The following QTMAN variants were observed in gnomAD, a reference collection of about 807,000 sequenced individuals.
QTMAN encodes the protein tRNA-queuosine alpha-mannosyltransferase.
chr2:144,007,124 AAT>A, the QTMAN span: 1 of 976,946 alleles, frequency 1.0e-6, no homozygotes, highest in Non-Finnish European at 1.5e-6. Context: ...CAATCAACAG[AAT>A]ATATTTTCTT....
At chr2:144,076,837 G>A in the QTMAN span, among the ~76,000 whole-genome samples, 1 of 151,792 alleles carries the variant, frequency 6.6e-6, no homozygotes, top group African/African-American at 2.4e-5. Context: ...CAAAACCACA[G>A]GCCGGGCACA....
chr2:144,107,569 C>T, the QTMAN span, among the ~76,000 whole-genome samples: 3 of 152,208 alleles, frequency 2.0e-5, no homozygotes, highest in African/African-American at 7.2e-5. Flanking sequence ...AGTTGAATCT[C>T]TGAATAGACC....
the QTMAN span, among the ~76,000 whole-genome samples, chr2:144,312,177 C>G: frequency 6.7e-6 from 1 of 149,024 alleles, no homozygotes; most frequent in Non-Finnish European, 1.5e-5. Flanking sequence ...GTGGGAGTTA[C>G]ATTCTTTTTT....
chr2:144,325,613 T>C, the QTMAN span, among the ~76,000 whole-genome samples: 45 of 152,158 alleles, frequency 3.0e-4, no homozygotes, highest in African/African-American at 1.0e-3. Flanking sequence ...TGTACCTCAT[T>C]TCATTCAGAT....
At chr2:143,974,709 G>GTTT in the QTMAN span, among the ~76,000 whole-genome samples, 1 of 148,198 alleles carries the variant, frequency 6.7e-6, no homozygotes, top group African/African-American at 2.5e-5. Context: ...CTTTCTTTTT[G>GTTT]TTTTTTTTTG....
chr2:144,118,421 T>C, the QTMAN span, among the ~76,000 whole-genome samples: 1 of 152,262 alleles, frequency 6.6e-6, no homozygotes, highest in East Asian at 1.9e-4. Context: ...AAAAGCTAAG[T>C]ATCTCTCTGG....
At chr2:144,304,249 T>G in the QTMAN span, among the ~76,000 whole-genome samples, 1 of 152,210 alleles carries the variant, frequency 6.6e-6, no homozygotes, top group African/African-American at 2.4e-5. Flanking sequence ...TACCTCTGTA[T>G]AGTTTACCTC....
At chr2:144,240,287 A>C in the QTMAN span, among the ~76,000 whole-genome samples, 5 of 152,244 alleles carry the variant, frequency 3.3e-5, no homozygotes, top group African/African-American at 1.2e-4. Context: ...TTCATTGCTT[A>C]AAGGTTAATG....
chr2:144,328,360 C>T, the QTMAN span, among the ~76,000 whole-genome samples: 3 of 152,198 alleles, frequency 2.0e-5, no homozygotes, highest in Non-Finnish European at 4.4e-5. Flanking sequence ...TTGTCTGATT[C>T]TATATCCTAA....
At chr2:144,117,990 T>G in the QTMAN span, among the ~76,000 whole-genome samples, 1 of 151,852 alleles carries the variant, frequency 6.6e-6, no homozygotes, top group East Asian at 1.9e-4. Context: ...GGACTACAGG[T>G]GCCCGCCACC....
the QTMAN span, among the ~76,000 whole-genome samples, chr2:144,100,385 T>C: frequency 6.6e-6 from 1 of 152,188 alleles, no homozygotes; most frequent in Non-Finnish European, 1.5e-5. Context: ...ATAAGAAAGA[T>C]TAAATACAGC....
chr2:143,996,433 G>C, the QTMAN span, among the ~76,000 whole-genome samples: 250 of 152,194 alleles, frequency 1.6e-3, no homozygotes, highest in African/African-American at 5.8e-3. Flanking sequence ...GAGAAATTTG[G>C]GGGGATAGCT....
chr2:144,243,655 T>A, the QTMAN span, among the ~76,000 whole-genome samples: 7 of 152,224 alleles, frequency 4.6e-5, no homozygotes, highest in African/African-American at 1.7e-4. Context: ...TATATAGTGT[T>A]AAAATTAAAA....
the QTMAN span, among the ~76,000 whole-genome samples, chr2:144,257,946 G>A: frequency 6.6e-6 from 1 of 151,926 alleles, no homozygotes; most frequent in Non-Finnish European, 1.5e-5. Flanking sequence ...AAAGTAAAGG[G>A]GTTCAAAGAA....
At chr2:143,943,484 G>A in the QTMAN span, 9 of 152,200 alleles carry the variant, frequency 5.9e-5, no homozygotes. Flanking sequence ...TTTGAAAACT[G>A]ATTCTATCAT....
chr2:143,957,222 G>C, the QTMAN span: 1 of 1,597,640 alleles, frequency 6.3e-7, no homozygotes, highest in Non-Finnish European at 8.5e-7. Flanking sequence ...TTCATGCTTA[G>C]CTGTTGAGAT....
the QTMAN span, among the ~76,000 whole-genome samples, chr2:144,237,951 A>G: frequency 6.6e-6 from 1 of 152,206 alleles, no homozygotes; most frequent in East Asian, 1.9e-4. Flanking sequence ...CAGAATCAAC[A>G]TAACAGCCAT....
At chr2:144,175,624 T>C in the QTMAN span, among the ~76,000 whole-genome samples, 1 of 151,962 alleles carries the variant, frequency 6.6e-6, no homozygotes, top group Non-Finnish European at 1.5e-5. Flanking sequence ...AAGATATATA[T>C]AGAGAGATAT....
the QTMAN span, among the ~76,000 whole-genome samples, chr2:143,973,481 G>C: frequency 2.6e-5 from 4 of 151,950 alleles, no homozygotes; most frequent in African/African-American, 9.7e-5. Context: ...AAAAATTTGG[G>C]GTTTTCTTTT....
Sources: allele counts gnomAD v4.1 joint callset (sites outside exome capture counted in the v4.1 genomes callset), GRCh38; gene constraint gnomAD v4.1.1; transcripts MANE v1.5; gene names NCBI Gene and HGNC (gene_info 2026-07-23, HGNC 2026-07-21).